The following NEDD9 variants were observed in gnomAD, a reference collection of about 807,000 sequenced individuals.
The protein encoded by NEDD9 is neural precursor cell expressed, developmentally down-regulated 9.
In NEDD9, 26 loss-of-function variants were observed where a neutral mutation model predicts 76.6. The observed-to-expected ratio is 0.34, with a 90% CI of 0.25 to 0.47. NEDD9 has a LOEUF of 0.47. NEDD9 is among the 20% of genes least tolerant of loss of function. The pLI is 1.00. For synonymous variants in NEDD9, 392 were observed against 414.2 expected, an observed-to-expected ratio of 0.95 and a Z score of 0.65; for missense variants, 937 against 1,058.5, an observed-to-expected ratio of 0.89 and a Z score of 1.59.
intron 3 of NEDD9, among the ~76,000 whole-genome samples, chr6:11,276,616 C>T (rs1302951839): frequency 6.6e-6 from 1 of 152,144 alleles, no homozygotes; most frequent in Non-Finnish European, 1.5e-5. Flanking sequence ...CAAGTCAAAC[C>T]TCATTAGGAT....
At chr6:11,254,804 A>G (rs1759972187) in intron 3 of NEDD9, among the ~76,000 whole-genome samples, 1 of 152,064 alleles carries the variant, frequency 6.6e-6, no homozygotes, top group African/African-American at 2.4e-5. Flanking sequence ...TACATTCTAC[A>G]TCCTCTCTTA....
intron 3 of NEDD9, among the ~76,000 whole-genome samples, chr6:11,255,592 T>C (rs1759988382): frequency 6.6e-6 from 1 of 152,044 alleles, no homozygotes; most frequent in Non-Finnish European, 1.5e-5. Context: ...GCTTGGGGCA[T>C]CCAAGGAAAT....
rs558698454 is a variant in NEDD9, at chr6:11,307,647, T to TAC, written c.-152-1494_-152-1493dup. Reference sequence around the variant, plus strand: ...GTACCAGAAATTATATATATATATATACACACACACATGTCATTAATTCTT... The same window carrying TAC: ...GTACCAGAAATTATATATATATATATACACACACACACATGTCATTAATTCTT... On this transcript the variant is annotated intron_variant, in intron 2 of 3. Transcript: ENST00000397378. Among the ~76,000 whole-genome samples, 465 of 152,116 alleles carry TAC rather than the reference T, an allele frequency of 3.1e-3. 3 individuals are homozygous for TAC. Among genetic ancestry groups the TAC allele is most frequent in the South Asian group, 0.019 (92 of 4,816 alleles).
chr6:11,241,982 GC>G lies in NEDD9; in HGVS notation c.13-28256del, dbSNP rs1308153294. 1.3e-5 allele frequency among the ~76,000 whole-genome samples: 2 copies of G among 152,264 alleles called. No homozygotes were observed. Among genetic ancestry groups the G allele is most frequent in the African/African-American group, 4.8e-5 (2 of 41,484 alleles). On this transcript the variant is annotated intron_variant, in intron 3 of 3. Transcript: ENST00000397378. This position sits in a 1 kb window ranked among gnomAD's most constrained non-coding sequence, Gnocchi z 4.0. Reference sequence around the variant, plus strand: ...GCACACCCTGCACGGTTCAAGCCAAGCTTTTGAAGAGTTTGACTCGTTTTAG... The same window carrying G: ...GCACACCCTGCACGGTTCAAGCCAAGTTTTGAAGAGTTTGACTCGTTTTAG...
chr6:11,339,423 A>G (rs551721656), intron 1 of NEDD9, among the ~76,000 whole-genome samples: 89 of 152,264 alleles, frequency 5.8e-4, no homozygotes, highest in South Asian at 1.4e-3. Context: ...TCTCTCCCTC[A>G]TTAAATAAAT....
At chr6:11,346,484 C>G (rs76294676) in intron 1 of NEDD9, among the ~76,000 whole-genome samples, 10 of 151,850 alleles carry the variant, frequency 6.6e-5, no homozygotes, top group South Asian at 4.2e-4. Context: ...GAGGCCCCCC[C>G]CCCCGAGGTG....
At chr6:11,322,604 C>T (rs1352827389) in intron 2 of NEDD9, among the ~76,000 whole-genome samples, 2 of 152,200 alleles carry the variant, frequency 1.3e-5, no homozygotes, top group Non-Finnish European at 2.9e-5. Flanking sequence ...TCTCTCTCAA[C>T]CCTTCTCCTC....
intron 3 of NEDD9, among the ~76,000 whole-genome samples, chr6:11,291,559 C>T (rs1388739294): frequency 6.6e-6 from 1 of 152,160 alleles, no homozygotes; most frequent in African/African-American, 2.4e-5. Flanking sequence ...CAGGCGTGAG[C>T]CACCGCGCCC....
intron 1 of NEDD9, among the ~76,000 whole-genome samples, chr6:11,227,648 T>G (rs151104988): frequency 9.2e-5 from 14 of 152,328 alleles, no homozygotes; most frequent in Non-Finnish European, 2.1e-4. Context: ...TCAATCTGCC[T>G]CTACATACAA....
intron 3 of NEDD9, among the ~76,000 whole-genome samples, chr6:11,290,291 C>T (rs537316405): frequency 6.6e-6 from 1 of 152,152 alleles, no homozygotes; most frequent in Admixed American, 6.5e-5. Flanking sequence ...AGGCTGATAC[C>T]ATCCAGACCT....
At chr6:11,285,159 T>C (rs1315341211) in intron 3 of NEDD9, among the ~76,000 whole-genome samples, 1 of 152,216 alleles carries the variant, frequency 6.6e-6, no homozygotes, top group Non-Finnish European at 1.5e-5. Flanking sequence ...TGTGTTGCTG[T>C]AAGAAGCCTA....
chr6:11,195,527 C>T lies in NEDD9; in HGVS notation c.460-1835G>A, dbSNP rs141479420. 3.2e-4 allele frequency among the ~76,000 whole-genome samples: 48 copies of T among 152,220 alleles called. No homozygotes were observed. In the East Asian group the frequency reaches 7.3e-3, roughly 23 times the overall value. ...TCTCCCCTTAGTCTATTTCATCAGC[C>T]CCTCTACTTAGAGCGCTGTCTTGGC... is the stretch of plus-strand genomic sequence containing the variant. On this transcript the variant is annotated intron_variant, in intron 2 of 6. Transcript: ENST00000379446.
At chr6:11,335,126 T>TA (rs57208113) in intron 1 of NEDD9, among the ~76,000 whole-genome samples, 5 of 151,882 alleles carry the variant, frequency 3.3e-5, no homozygotes, top group Admixed American at 6.6e-5. Flanking sequence ...TGACTGAAAG[T>TA]AAAAAAAAAT....
chr6:11,311,175 AC>A (rs1761355020), intron 2 of NEDD9, among the ~76,000 whole-genome samples: 2 of 151,988 alleles, frequency 1.3e-5, no homozygotes, highest in African/African-American at 4.8e-5. Context: ...TGAATTGTGT[AC>A]CCCCAAATTC....
At chr6:11,246,717 C>G (rs993194803) in intron 3 of NEDD9, among the ~76,000 whole-genome samples, 5 of 152,208 alleles carry the variant, frequency 3.3e-5, no homozygotes, top group African/African-American at 9.6e-5. Flanking sequence ...GAAACTCTCC[C>G]TCTCCCTTGC....
intron 3 of NEDD9, among the ~76,000 whole-genome samples, chr6:11,275,565 C>CACACACACACATAT (rs551632582): frequency 2.7e-5 from 4 of 150,288 alleles, no homozygotes; most frequent in African/African-American, 9.8e-5. Context: ...CACACACACA[C>CACACACACACATAT]ATATATATAT....
At chr6:11,264,832 A>C (rs1362600573) in intron 3 of NEDD9, among the ~76,000 whole-genome samples, 14 of 151,344 alleles carry the variant, frequency 9.3e-5, no homozygotes, top group Non-Finnish European at 1.5e-5. Flanking sequence ...AAATAACAAT[A>C]ACTTCAGCTC....
intron 3 of NEDD9, among the ~76,000 whole-genome samples, chr6:11,297,297 C>T (rs1408646045): frequency 6.6e-6 from 1 of 152,168 alleles, no homozygotes; most frequent in Non-Finnish European, 1.5e-5. Flanking sequence ...TCTCTGCAGC[C>T]AGGGACAGCT....
At chr6:11,346,809 A>G (rs1582041641) in intron 1 of NEDD9, among the ~76,000 whole-genome samples, 1 of 151,976 alleles carries the variant, frequency 6.6e-6, no homozygotes, top group African/African-American at 2.4e-5. Flanking sequence ...ATGGGCACCC[A>G]TGTGGAGAGG....
Sources: allele counts gnomAD v4.1 joint callset (sites outside exome capture counted in the v4.1 genomes callset), GRCh38; gene constraint gnomAD v4.1.1; non-coding constraint Gnocchi (gnomAD v3.1); transcripts MANE v1.5; gene names NCBI Gene and HGNC (gene_info 2026-07-23, HGNC 2026-07-21).